The following OR2L13 variants were observed in gnomAD, a reference collection of about 807,000 sequenced individuals.
OR2L13 encodes the protein olfactory receptor 2L13.
Under a neutral mutation model 15.3 loss-of-function variants are expected in OR2L13, and 14 were observed. The observed-to-expected ratio is 0.91, with a 90% confidence interval of 0.60 to 1.43. OR2L13 has a LOEUF of 1.43. Among genes scored for constraint, OR2L13 ranks in the 40% most tolerant of loss-of-function variants. OR2L13 has a pLI of 0.00. For synonymous variants in OR2L13, 152 were observed against 142.9 expected (o/e 1.06, Z -0.45); for missense variants, 367 against 387.9 (o/e 0.95, Z 0.45).
the OR2L13 span, among the ~76,000 whole-genome samples, chr1:248,066,720 G>A: frequency 1.3e-5 from 2 of 152,108 alleles, no homozygotes; most frequent in South Asian, 4.2e-4. Flanking sequence ...CTTTTGATAG[G>A]GTTTTCCCTC....
chr1:247,968,139 A>T, the OR2L13 span, among the ~76,000 whole-genome samples: 1 of 152,120 alleles, frequency 6.6e-6, no homozygotes, highest in South Asian at 2.1e-4. Context: ...GTAAACCATG[A>T]ATAATCATAA....
chr1:247,965,139 A>C, the OR2L13 span: 8 of 471,578 alleles, frequency 1.7e-5, no homozygotes, highest in East Asian at 2.9e-4. Context: ...ATCTGTCTAT[A>C]CATTAGGTAA....
At chr1:247,940,099 G>A in the OR2L13 span, among the ~76,000 whole-genome samples, 1 of 152,080 alleles carries the variant, frequency 6.6e-6, no homozygotes, top group Non-Finnish European at 1.5e-5. Context: ...TGACACTTTA[G>A]TTTCCTCAAG....
the OR2L13 span, among the ~76,000 whole-genome samples, chr1:248,082,618 G>C: frequency 3.3e-5 from 5 of 152,078 alleles, no homozygotes; most frequent in Admixed American, 6.5e-5. Flanking sequence ...ATTTGGCTTT[G>C]ATAACCACAG....
At chr1:247,990,916 T>C in the OR2L13 span, 1 of 1,479,310 alleles carries the variant, frequency 6.8e-7, no homozygotes, top group East Asian at 2.3e-5. Context: ...TGCATGTTCC[T>C]ATGGCCGGAT....
the OR2L13 span, among the ~76,000 whole-genome samples, chr1:248,077,420 C>T: frequency 2.0e-5 from 3 of 152,178 alleles, no homozygotes; most frequent in Non-Finnish European, 4.4e-5. Flanking sequence ...AGGAATGGTA[C>T]CAGCTCCTCT....
chr1:247,940,828 CT>C, the OR2L13 span, among the ~76,000 whole-genome samples: 1 of 151,824 alleles, frequency 6.6e-6, no homozygotes, highest in Non-Finnish European at 1.5e-5. Flanking sequence ...CTCCAGACTG[CT>C]TTCCATAGCT....
the OR2L13 span, among the ~76,000 whole-genome samples, chr1:248,085,494 G>C: frequency 4.1e-5 from 5 of 121,754 alleles, no homozygotes; most frequent in Admixed American, 8.7e-5. Context: ...AATCACTACT[G>C]TCTAGTTATC....
At chr1:247,987,736 C>G in the OR2L13 span, among the ~76,000 whole-genome samples, 1 of 152,166 alleles carries the variant, frequency 6.6e-6, no homozygotes, top group South Asian at 2.1e-4. Flanking sequence ...CAGCCCTTGA[C>G]TCATGACACA....
chr1:248,058,809 G>C, the OR2L13 span, among the ~76,000 whole-genome samples: 1 of 151,824 alleles, frequency 6.6e-6, no homozygotes, highest in Non-Finnish European at 1.5e-5. Flanking sequence ...AGCACATATT[G>C]TTCCTCCAAT....
chr1:248,018,288 G>A, the OR2L13 span, among the ~76,000 whole-genome samples: 6 of 151,978 alleles, frequency 3.9e-5, no homozygotes, highest in East Asian at 1.2e-3. Context: ...TTAAAAATTA[G>A]GATAATAAGT....
the OR2L13 span, among the ~76,000 whole-genome samples, chr1:247,962,596 C>G: frequency 0.8 from 121,449 of 152,124 alleles, 52,668 homozygotes; most frequent in South Asian, 0.95. Flanking sequence ...CCAGCGTAAA[C>G]TTTTTTGAAA....
At chr1:247,989,059 A>G in the OR2L13 span, among the ~76,000 whole-genome samples, 1 of 152,140 alleles carries the variant, frequency 6.6e-6, no homozygotes, top group Admixed American at 6.6e-5. Context: ...AACTTGGCAT[A>G]TAGATATTCA....
chr1:248,069,985 G>A, the OR2L13 span, among the ~76,000 whole-genome samples: 1 of 151,964 alleles, frequency 6.6e-6, no homozygotes, highest in Non-Finnish European at 1.5e-5. Context: ...CAAGTCCTGA[G>A]TGACCTACAA....
the OR2L13 span, among the ~76,000 whole-genome samples, chr1:247,987,655 C>T: frequency 6.6e-6 from 1 of 152,114 alleles, no homozygotes; most frequent in Non-Finnish European, 1.5e-5. Context: ...ACCAGTCTTG[C>T]CCTGTTTTTG....
chr1:248,044,384 T>C, the OR2L13 span, among the ~76,000 whole-genome samples: 2 of 152,186 alleles, frequency 1.3e-5, no homozygotes, highest in African/African-American at 4.8e-5. Flanking sequence ...AAAGTTAACT[T>C]GTCTAAGAAA....
chr1:248,075,172 T>G, the OR2L13 span, among the ~76,000 whole-genome samples: 1 of 152,320 alleles, frequency 6.6e-6, no homozygotes, highest in African/African-American at 2.4e-5. Flanking sequence ...GGTTTCCAGC[T>G]TCATCCATGT....
At chr1:247,942,318 T>C in the OR2L13 span, among the ~76,000 whole-genome samples, 1 of 152,138 alleles carries the variant, frequency 6.6e-6, no homozygotes, top group African/African-American at 2.4e-5. Context: ...TTTCCCTTAA[T>C]TGCTTCTTTA....
the OR2L13 span, among the ~76,000 whole-genome samples, chr1:248,071,387 C>G: frequency 6.6e-6 from 1 of 152,134 alleles, no homozygotes; most frequent in African/African-American, 2.4e-5. Flanking sequence ...ACATGATTAT[C>G]TCAATAGATG....
Sources: gnomAD v4.1 joint callset for allele counts (sites outside exome capture counted in the v4.1 genomes callset) on GRCh38, gnomAD v4.1.1 for gene constraint, MANE v1.5 for transcripts, NCBI Gene and HGNC (gene_info 2026-07-23, HGNC 2026-07-21) for gene names.